BRINP3: variants seen among roughly 807,000 people sequenced by gnomAD.
BRINP3 encodes the protein BMP/retinoic acid inducible neural specific 3, also known as BMP/retinoic acid-inducible neural-specific protein 3.
Under a neutral mutation model 71.0 loss-of-function variants are expected in BRINP3, and 19 were observed. That is an observed-to-expected ratio of 0.27 (90% CI 0.19 to 0.39). The LOEUF (loss-of-function observed/expected upper bound fraction) is 0.39. Ranked by LOEUF, BRINP3 falls within the 10% of genes least tolerant of loss-of-function variation. The pLI, the probability that BRINP3 is intolerant of heterozygous loss-of-function variation, is 1.00. For synonymous variants in BRINP3, 380 were observed against 337.7 expected (o/e 1.13, Z -1.37); for missense variants, 959 against 940.8 (o/e 1.02, Z -0.25).
intron 7 of BRINP3, among the ~76,000 whole-genome samples, chr1:190,137,762 T>C (rs1389402331): frequency 6.6e-6 from 1 of 152,072 alleles, no homozygotes; most frequent in Non-Finnish European, 1.5e-5. Flanking sequence ...GTGGATGATA[T>C]TAGATAAGTA....
chr1:190,400,876 A>G (rs984694055), intron 2 of BRINP3, among the ~76,000 whole-genome samples: 8 of 152,176 alleles, frequency 5.3e-5, no homozygotes, highest in Non-Finnish European at 1.2e-4. Flanking sequence ...TTCCCTAACA[A>G]CTATTATTTG....
At chr1:190,211,761 A>G (rs1656009155) in intron 6 of BRINP3, among the ~76,000 whole-genome samples, 1 of 152,126 alleles carries the variant, frequency 6.6e-6, no homozygotes, top group African/African-American at 2.4e-5. Flanking sequence ...TCATTATATA[A>G]AACACCTGTT....
intron 2 of BRINP3, among the ~76,000 whole-genome samples, chr1:190,286,737 A>G (rs1238569739): frequency 6.6e-6 from 1 of 152,136 alleles, no homozygotes; most frequent in Non-Finnish European, 1.5e-5. Context: ...TAAATATATT[A>G]CCTAAGCATT....
At chr1:190,227,242 C>T (rs768421992) in intron 5 of BRINP3, among the ~76,000 whole-genome samples, 1 of 151,714 alleles carries the variant, frequency 6.6e-6, no homozygotes, top group South Asian at 2.1e-4. Flanking sequence ...ACAAAAAAAT[C>T]AATGTTGACC....
At position 190,168,642 on chromosome 1, in the gene BRINP3, G is replaced by A. The variant is rs554391355; in HGVS notation, c.962-7752C>T. ...ATACAAAGTGAAGCTTCCTGTTTCT[G>A]CTTAAAGTATAAATCTAGAGTTACA... On this transcript the variant is annotated intron_variant, in intron 6 of 7. Transcript: ENST00000367462. Among the ~76,000 whole-genome samples the A allele has an allele frequency of 3.9e-5, 6 of 152,236 alleles. No homozygotes were observed. The South Asian group carries it at 1.2e-3, about 32-fold the overall frequency.
At chr1:190,136,087 C>T (rs1254679400) in intron 7 of BRINP3, among the ~76,000 whole-genome samples, 2 of 151,834 alleles carry the variant, frequency 1.3e-5, no homozygotes, top group African/African-American at 2.4e-5. Context: ...GAGGCACATG[C>T]CCTGGTTTCC....
intron 7 of BRINP3, among the ~76,000 whole-genome samples, chr1:190,153,130 A>G (rs1352050465): frequency 6.6e-6 from 1 of 152,168 alleles, no homozygotes; most frequent in Non-Finnish European, 1.5e-5. Flanking sequence ...TATCCCAATC[A>G]AGAACAGTGG....
chr1:190,330,193 T>C (rs1482695044), intron 2 of BRINP3, among the ~76,000 whole-genome samples: 1 of 151,164 alleles, frequency 6.6e-6, no homozygotes, highest in Admixed American at 6.6e-5. Context: ...ACAGAATAAA[T>C]AAAAAAACTA....
intron 2 of BRINP3, among the ~76,000 whole-genome samples, chr1:190,392,217 A>G (rs1258649678): frequency 6.6e-6 from 1 of 151,720 alleles, no homozygotes; most frequent in East Asian, 1.9e-4. Flanking sequence ...CTAAAGTAAT[A>G]AAATACCTTA....
chr1:190,130,791 C>G (rs1335221246), intron 7 of BRINP3, among the ~76,000 whole-genome samples: 1 of 152,006 alleles, frequency 6.6e-6, no homozygotes, highest in East Asian at 1.9e-4. Context: ...TAATTTGGGC[C>G]CTTATAAAAC....
At chr1:190,314,924 T>C (rs1350255573) in intron 2 of BRINP3, among the ~76,000 whole-genome samples, 1 of 152,058 alleles carries the variant, frequency 6.6e-6, no homozygotes, top group African/African-American at 2.4e-5. Flanking sequence ...GTACTTCCTA[T>C]AGGGGCTTGT....
intron 5 of BRINP3, among the ~76,000 whole-genome samples, chr1:190,226,541 T>C (rs1248215465): frequency 2.0e-5 from 3 of 152,034 alleles, no homozygotes; most frequent in Admixed American, 1.3e-4. Flanking sequence ...GAAATAGAGA[T>C]GATTAATCAT....
At chr1:190,428,202 A>G (rs1242487124) in intron 2 of BRINP3, among the ~76,000 whole-genome samples, 2 of 152,006 alleles carry the variant, frequency 1.3e-5, no homozygotes, top group East Asian at 1.9e-4. Context: ...GCTTTTCCTG[A>G]ATAAAAAAAC....
intron 4 of BRINP3, among the ~76,000 whole-genome samples, chr1:190,242,606 A>T (rs1435464011): frequency 1.3e-5 from 2 of 152,194 alleles, no homozygotes; most frequent in East Asian, 1.9e-4. Flanking sequence ...ATTTTAATAA[A>T]CCAATTTTTT....
intron 2 of BRINP3, among the ~76,000 whole-genome samples, chr1:190,384,375 T>A (rs3931875): frequency 0.18 from 27,011 of 151,766 alleles, 2,427 homozygotes; most frequent in Middle Eastern, 0.22. Context: ...AATTCATTAT[T>A]TTAAGTAATG....
At chr1:190,178,342 T>G (rs1652734503) in intron 6 of BRINP3, among the ~76,000 whole-genome samples, 1 of 152,134 alleles carries the variant, frequency 6.6e-6, no homozygotes, top group African/African-American at 2.4e-5. Flanking sequence ...TATATGTTGA[T>G]TTTTCTTTCT....
rs1571355964 is a variant in BRINP3, at chr1:190,454,735, T to C, written c.156A>G (p.Gly52=). ...TGTATTCCTGTGAGCGATGGAAGGG[T>C]CCCTTATCAGAGAGGAGCCAGTCGA... The part of the protein sequence containing the change: ...SPFDWLLSDK[G]PFHRSQEYTD... Residue 52 remains glycine, a synonymous_variant, in exon 2 of 8, where the codon GGA becomes GGG. Coordinates refer to ENST00000367462, the MANE Select transcript of BRINP3 (RefSeq NM_199051.3). The C allele has an allele frequency of 6.2e-7, 1 of 1,614,098 alleles. No homozygotes were observed. The highest frequency in any genetic ancestry group is 8.5e-7 in the Non-Finnish European group (1 of 1,180,032).
At chr1:190,209,436 C>G (rs1364279169) in intron 6 of BRINP3, among the ~76,000 whole-genome samples, 5 of 152,088 alleles carry the variant, frequency 3.3e-5, no homozygotes, top group East Asian at 1.9e-4. Flanking sequence ...GTTCATAAAG[C>G]CTTCCTCTAG....
chr1:190,415,211 T>G (rs1430558187), intron 2 of BRINP3, among the ~76,000 whole-genome samples: 1 of 152,154 alleles, frequency 6.6e-6, no homozygotes, highest in Non-Finnish European at 1.5e-5. Flanking sequence ...ATCTGCAAGT[T>G]TGTTAAGTAA....
Sources: allele counts gnomAD v4.1 joint callset (sites outside exome capture counted in the v4.1 genomes callset), GRCh38; gene constraint gnomAD v4.1.1; transcripts MANE v1.5; gene names NCBI Gene and HGNC (gene_info 2026-07-23, HGNC 2026-07-21).